MCC: variants seen among roughly 807,000 people sequenced by gnomAD.
MCC encodes the protein MCC regulator of Wnt signaling pathway, also known as colorectal mutant cancer protein.
MCC carries 90 observed loss-of-function variants against 116.2 expected under a neutral mutation model. The ratio of observed to expected loss-of-function variants is 0.77; its 90% CI spans 0.65 to 0.92. MCC has a LOEUF of 0.92. Ranked by LOEUF, MCC falls within the 40% of genes least tolerant of loss-of-function variation. MCC has a pLI of 0.00. For missense variants in MCC, 1,516 were observed against 1,312.2 expected (o/e 1.16, Z -2.40); for synonymous variants, 578 against 510.5 (o/e 1.13, Z -1.78).
At chr5:113,230,746 C>T (rs556680280) in intron 3 of MCC, among the ~76,000 whole-genome samples, 2 of 152,286 alleles carry the variant, frequency 1.3e-5, no homozygotes, top group South Asian at 2.1e-4. Context: ...ATCCCAGTGT[C>T]CATTTTCACC....
intron 3 of MCC, among the ~76,000 whole-genome samples, chr5:113,158,420 G>C (rs1289785294): frequency 1.3e-5 from 2 of 152,210 alleles, no homozygotes; most frequent in Non-Finnish European, 2.9e-5. Context: ...GTTCCGCACT[G>C]CATGCTTCAT....
At chr5:113,133,424 CAT>C (rs1042924949) in intron 5 of MCC, among the ~76,000 whole-genome samples, 12 of 152,066 alleles carry the variant, frequency 7.9e-5, no homozygotes, top group African/African-American at 2.9e-4. Flanking sequence ...TTTCATGTAA[CAT>C]AGCAACCTCC....
chr5:113,062,263 G>A (rs1466464865), intron 14 of MCC, among the ~76,000 whole-genome samples: 1 of 152,160 alleles, frequency 6.6e-6, no homozygotes, highest in African/African-American at 2.4e-5. Flanking sequence ...AGAAAAACAG[G>A]ATCCCAAATT....
chr5:113,195,487 G>A (rs1256383170), intron 3 of MCC, among the ~76,000 whole-genome samples: 1 of 151,930 alleles, frequency 6.6e-6, no homozygotes, highest in Non-Finnish European at 1.5e-5. Flanking sequence ...TCTCAGTGTC[G>A]CCACTCCCCT....
At chr5:113,106,116 A>G (rs960010272) in intron 6 of MCC, among the ~76,000 whole-genome samples, 1 of 149,884 alleles carries the variant, frequency 6.7e-6, no homozygotes, top group Non-Finnish European at 1.5e-5. Flanking sequence ...CCTGTTCACT[A>G]TGCCCCATTC....
chr5:113,207,450 C>CGTGGAGG (rs1438322788), intron 3 of MCC, among the ~76,000 whole-genome samples: 422 of 32,754 alleles, frequency 0.013, 5 homozygotes, highest in African/African-American at 0.051. Flanking sequence ...TATCCTCCAT[C>CGTGGAGG]GTGGAGGGTG....
intron 11 of MCC, among the ~76,000 whole-genome samples, chr5:113,074,958 G>A (rs1342456706): frequency 1.3e-5 from 2 of 152,248 alleles, no homozygotes; most frequent in Non-Finnish European, 1.5e-5. Flanking sequence ...CTCTGGCCAT[G>A]CTCAAGGAGC....
chr5:113,467,914 G>T (rs1435406916), intron 1 of MCC, among the ~76,000 whole-genome samples: 1 of 152,098 alleles, frequency 6.6e-6, no homozygotes, highest in Non-Finnish European at 1.5e-5. Context: ...CTTGTAAGTT[G>T]GATTCCTAGG....
At chr5:113,360,019 G>A (rs1561537409) in intron 2 of MCC, among the ~76,000 whole-genome samples, 1 of 152,120 alleles carries the variant, frequency 6.6e-6, no homozygotes, top group South Asian at 2.1e-4. Context: ...ATTTTTAAGT[G>A]TCATAAATGG....
intron 3 of MCC, among the ~76,000 whole-genome samples, chr5:113,237,044 G>C (rs1764161355): frequency 6.6e-6 from 1 of 152,194 alleles, no homozygotes. Context: ...TGATCCACTG[G>C]AAGTCCTTGG....
intron 1 of MCC, among the ~76,000 whole-genome samples, chr5:113,416,105 A>T (rs539482239): frequency 6.6e-6 from 1 of 152,282 alleles, no homozygotes; most frequent in Admixed American, 6.5e-5. Flanking sequence ...GCAGAGGCTC[A>T]GTTGGAAATG....
At chr5:113,159,251 C>T (rs1760349779) in intron 3 of MCC, among the ~76,000 whole-genome samples, 1 of 152,154 alleles carries the variant, frequency 6.6e-6, no homozygotes, top group Non-Finnish European at 1.5e-5. Context: ...TGTCCAGGCA[C>T]CTGAGTTCTG....
intron 3 of MCC, among the ~76,000 whole-genome samples, chr5:113,215,102 G>A (rs979189862): frequency 1.3e-5 from 2 of 152,182 alleles, no homozygotes; most frequent in African/African-American, 4.8e-5. Context: ...GCTACTGCCA[G>A]CCCTTTAAGT....
At chr5:113,320,265 C>T (rs1044813016) in intron 3 of MCC, among the ~76,000 whole-genome samples, 1 of 152,054 alleles carries the variant, frequency 6.6e-6, no homozygotes, top group South Asian at 2.1e-4. Flanking sequence ...AGTACACACA[C>T]ACACACACAA....
chr5:113,103,529 C>A (rs1327964040), intron 7 of MCC, among the ~76,000 whole-genome samples: 1 of 152,260 alleles, frequency 6.6e-6, no homozygotes, highest in Non-Finnish European at 1.5e-5. Context: ...AGCAGTGTTA[C>A]AAACATGCAT....
chr5:113,098,255 G>GCCAT (rs1756167277), intron 8 of MCC, among the ~76,000 whole-genome samples: 1 of 152,176 alleles, frequency 6.6e-6, no homozygotes, highest in Non-Finnish European at 1.5e-5. Context: ...AGTGGTTCCT[G>GCCAT]CCATCACACG....
intron 1 of MCC, among the ~76,000 whole-genome samples, chr5:113,476,283 G>A (rs116216291): frequency 0.012 from 1,810 of 152,208 alleles, 37 homozygotes; most frequent in African/African-American, 0.042. Context: ...CGTACTTCCC[G>A]ATTTCAAAAC....
intron 2 of MCC, among the ~76,000 whole-genome samples, chr5:113,350,002 A>G (rs989344726): frequency 3.9e-5 from 6 of 152,066 alleles, no homozygotes; most frequent in Non-Finnish European, 5.9e-5. Flanking sequence ...AAAGATATCT[A>G]TAATGAAAAC....
intron 8 of MCC, among the ~76,000 whole-genome samples, chr5:113,090,965 G>T (rs529935580): frequency 6.6e-6 from 1 of 152,226 alleles, no homozygotes. Flanking sequence ...GCAAGCCCAG[G>T]GGCTGTGAGC....
Sources: gnomAD v4.1 joint callset for allele counts (sites outside exome capture counted in the v4.1 genomes callset) on GRCh38, gnomAD v4.1.1 for gene constraint, MANE v1.5 for transcripts, NCBI Gene and HGNC (gene_info 2026-07-23, HGNC 2026-07-21) for gene names.